The following ZBTB38 variants were observed in gnomAD, a reference collection of about 807,000 sequenced individuals.
ZBTB38 encodes zinc finger and BTB domain containing 38, also known as zinc finger and BTB domain-containing protein 38.
In ZBTB38, 20 loss-of-function variants were observed where a neutral mutation model predicts 76.8. The ratio of observed to expected loss-of-function variants is 0.26; its 90% CI spans 0.18 to 0.38. ZBTB38 has a LOEUF of 0.38. Among genes scored for constraint, ZBTB38 ranks in the 10% least tolerant of loss-of-function variants. The pLI is 1.00. For synonymous variants in ZBTB38, 504 were observed against 544.2 expected (o/e 0.93, Z 1.03); for missense variants, 1,082 against 1,482.3 (o/e 0.73, Z 4.43).
intron 1 of ZBTB38, among the ~76,000 whole-genome samples, chr3:141,344,661 A>T (rs893171928): frequency 6.6e-6 from 1 of 152,228 alleles, no homozygotes; most frequent in Non-Finnish European, 1.5e-5. Flanking sequence ...GGCTTGAGCC[A>T]CTGCACCCAG....
intron 1 of ZBTB38, among the ~76,000 whole-genome samples, chr3:141,356,172 T>TG (rs1424036912): frequency 4.6e-5 from 7 of 152,126 alleles, no homozygotes; most frequent in Non-Finnish European, 4.4e-5. Context: ...AGAGGAGCCA[T>TG]GGAAAGAAAG....
chr3:141,418,646 A>G (rs2074644757), intron 5 of ZBTB38, among the ~76,000 whole-genome samples: 1 of 152,254 alleles, frequency 6.6e-6, no homozygotes, highest in Non-Finnish European at 1.5e-5. Flanking sequence ...CTGATACTGC[A>G]TTATACCTCA....
chr3:141,445,519 G>C lies in ZBTB38; in HGVS notation c.3131G>C (p.Gly1044Ala), dbSNP rs2080999748. ...GEKPYQCKTC[G>A]RCFSVQGNLQ... ...AAGCCATACCAGTGCAAGACCTGCG[G>C]ACGGTGCTTTTCGGTGCAAGGAAAC... Residue 1044 changes from glycine (G) to alanine (A), a missense_variant, in exon 6 of 6, where the codon GGA becomes GCA. By Grantham distance (60) the Gly-to-Ala change is moderately conservative. Transcript: ENST00000321464. This position sits in a 1 kb window ranked among gnomAD's most constrained non-coding sequence, Gnocchi z 6.5. 1 of 1,614,088 alleles carries C rather than the reference G, an allele frequency of 6.2e-7. No homozygotes were observed. Among genetic ancestry groups the C allele is most frequent in the African/African-American group, 1.3e-5 (1 of 74,928 alleles).
chr3:141,386,785 A>C (rs1196256915), intron 3 of ZBTB38, 87 bp from the exon 4 acceptor site: 1 of 152,618 alleles, frequency 6.6e-6, no homozygotes. Context: ...TGGTTGCAGA[A>C]TTTGGAGTTT....
At chr3:141,350,814 A>G (rs1457087910) in intron 1 of ZBTB38, among the ~76,000 whole-genome samples, 1 of 152,154 alleles carries the variant, frequency 6.6e-6, no homozygotes, top group Admixed American at 6.6e-5. Context: ...TAAAATTCAA[A>G]TTTTCATTCT....
chr3:141,333,313 C>G (rs1942908667), intron 1 of ZBTB38, among the ~76,000 whole-genome samples: 1 of 152,138 alleles, frequency 6.6e-6, no homozygotes, highest in Non-Finnish European at 1.5e-5. Context: ...CAGCCAGGCC[C>G]AGGAAACCAG....
chr3:141,364,165 G>A (rs574385854), upstream of ZBTB38, among the ~76,000 whole-genome samples: 270 of 151,124 alleles, frequency 1.8e-3, 1 homozygote, highest in African/African-American at 6.3e-3. Flanking sequence ...GGTGGCTCAC[G>A]CCTGTAATCC....
In ZBTB38 at chr3:141,431,989, T is replaced by G. The variant is rs1180704985; in HGVS notation, c.1-10400T>G. ...CATAAAGGACTTCTGTTTTGTAATC[T>G]GTTTTCGAGATCTGATGCGTGTGTT... On this transcript the variant is annotated intron_variant, in intron 5 of 5. Transcript: ENST00000321464. 6 of 642,324 alleles carry G rather than the reference T, an allele frequency of 9.3e-6. No homozygotes were observed. The South Asian group carries it at 2.1e-4, about 22-fold the overall frequency. 39.8% of individuals were successfully genotyped at this position (642,324 alleles called of 1,614,324 possible). A position where few individuals can be genotyped will look rare whatever the true frequency, so the allele number is the denominator to read the frequency against.
At chr3:141,441,418 T>C (rs1034165287) in intron 5 of ZBTB38, among the ~76,000 whole-genome samples, 3 of 152,224 alleles carry the variant, frequency 2.0e-5, no homozygotes, top group Non-Finnish European at 2.9e-5. Flanking sequence ...TTTCCTGGTT[T>C]TACATTTTGT....
chr3:141,391,145 G>A (rs921770690), intron 4 of ZBTB38, among the ~76,000 whole-genome samples: 2 of 151,958 alleles, frequency 1.3e-5, no homozygotes, highest in Non-Finnish European at 2.9e-5. Flanking sequence ...GGGCAAAAAA[G>A]CAAGACTCTT....
At chr3:141,433,828 T>G (rs189453482) in intron 5 of ZBTB38, among the ~76,000 whole-genome samples, 3 of 152,346 alleles carry the variant, frequency 2.0e-5, no homozygotes, top group Non-Finnish European at 4.4e-5. Flanking sequence ...AATTTTTTAA[T>G]AGCCTTTTCA....
At chr3:141,335,750 T>TG (rs1250830939) in intron 1 of ZBTB38, among the ~76,000 whole-genome samples, 3 of 152,234 alleles carry the variant, frequency 2.0e-5, no homozygotes, top group Non-Finnish European at 4.4e-5. Flanking sequence ...TTTCTATCAA[T>TG]CACATCCGCA....
At chr3:141,419,973 G>A (rs2074991316) in intron 5 of ZBTB38, among the ~76,000 whole-genome samples, 1 of 152,142 alleles carries the variant, frequency 6.6e-6, no homozygotes, top group Non-Finnish European at 1.5e-5. Flanking sequence ...GGCGACAAGA[G>A]CACAACTCCG....
At chr3:141,426,712 A>T (rs1045697921) in intron 5 of ZBTB38, among the ~76,000 whole-genome samples, 5 of 152,212 alleles carry the variant, frequency 3.3e-5, no homozygotes, top group Admixed American at 6.5e-5. Flanking sequence ...AATTTTAAAG[A>T]ATTTGTTGCC....
At chr3:141,406,455 T>C (rs746414053) in intron 5 of ZBTB38, among the ~76,000 whole-genome samples, 4 of 152,174 alleles carry the variant, frequency 2.6e-5, no homozygotes, top group Non-Finnish European at 5.9e-5. Flanking sequence ...GACACTGCGA[T>C]TTCCAGAGCA....
chr3:141,333,609 G>A (rs1273371131), intron 1 of ZBTB38, among the ~76,000 whole-genome samples: 1 of 152,084 alleles, frequency 6.6e-6, no homozygotes, highest in Non-Finnish European at 1.5e-5. Context: ...AACAGGGCTG[G>A]CTGCAGAGGG....
chr3:141,351,317 A>G (rs1401887839), intron 1 of ZBTB38, among the ~76,000 whole-genome samples: 2 of 151,380 alleles, frequency 1.3e-5, no homozygotes, highest in East Asian at 1.9e-4. Context: ...AAAGAGGCAT[A>G]TGACATACAT....
At chr3:141,395,545 T>C (rs1950167375) in intron 4 of ZBTB38, among the ~76,000 whole-genome samples, 1 of 152,004 alleles carries the variant, frequency 6.6e-6, no homozygotes, top group Non-Finnish European at 1.5e-5. Flanking sequence ...ATATAACAAG[T>C]GACAAAGCAA....
At chr3:141,407,540 C>T (rs934167127) in intron 5 of ZBTB38, among the ~76,000 whole-genome samples, 2 of 152,214 alleles carry the variant, frequency 1.3e-5, no homozygotes, top group Non-Finnish European at 2.9e-5. Context: ...CTTTAAGACT[C>T]ATTTTAATTT....
Sources: gnomAD v4.1 joint callset for allele counts (sites outside exome capture counted in the v4.1 genomes callset) on GRCh38, gnomAD v4.1.1 for gene constraint, Gnocchi (gnomAD v3.1) non-coding constraint, MANE v1.5 for transcripts, NCBI Gene and HGNC (gene_info 2026-07-23, HGNC 2026-07-21) for gene names.